Variants in EPG5 observed in about 807,000 individuals in gnomAD.
The protein encoded by EPG5 is ectopic P granules protein 5 homolog.
Under a neutral mutation model 302.7 loss-of-function variants are expected in EPG5, and 159 were observed. That is an observed-to-expected ratio of 0.53 (90% CI 0.46 to 0.60). The LOEUF is 0.60. EPG5 is among the 20% of genes least tolerant of loss of function. EPG5 has a pLI of 0.00. For synonymous variants in EPG5, 1,158 were observed against 1,136.8 expected (o/e 1.02, Z -0.37); for missense variants, 2,896 against 3,092.4 (o/e 0.94, Z 1.51).
At chr18:45,952,193 C>T (rs1285758958) in intron 3 of EPG5, among the ~76,000 whole-genome samples, 1 of 152,186 alleles carries the variant, frequency 6.6e-6, no homozygotes, top group Non-Finnish European at 1.5e-5. Context: ...CAGAGAAAGA[C>T]AGCCACGGAG....
chr18:45,884,457 G>A (rs1418118720), intron 30 of EPG5, among the ~76,000 whole-genome samples, 160 bp downstream of exon 30: 1 of 152,160 alleles, frequency 6.6e-6, no homozygotes, highest in African/African-American at 2.4e-5. Flanking sequence ...AGCAGCTGTG[G>A]GGTCAGACTG....
intron 15 of EPG5, 99 bp downstream of exon 15, chr18:45,923,169 G>C (rs940746577): frequency 7.8e-7 from 1 of 1,288,406 alleles, no homozygotes; most frequent in South Asian, 1.5e-5. Flanking sequence ...AATGTTCTTA[G>C]GATACCTAAT....
chr18:45,899,089 C>A (rs1415328901), intron 27 of EPG5, among the ~76,000 whole-genome samples: 1 of 152,144 alleles, frequency 6.6e-6, no homozygotes, highest in Non-Finnish European at 1.5e-5. Context: ...CGCGCCACTG[C>A]ACTCCAGCCT....
chr18:45,840,145 G>C, the EPG5 span: 1 of 1,579,940 alleles, frequency 6.3e-7, no homozygotes, highest in Non-Finnish European at 8.7e-7. Context: ...CATGGGTGGG[G>C]GTGGGCGCAC....
chr18:45,856,763 A>G (rs1568092902), intron 42 of EPG5, among the ~76,000 whole-genome samples: 1 of 151,968 alleles, frequency 6.6e-6, no homozygotes, highest in Non-Finnish European at 1.5e-5. Context: ...TCTTTTCAAC[A>G]CTGACAAGGG....
At chr18:45,823,907 G>A in the EPG5 span, among the ~76,000 whole-genome samples, 2 of 152,248 alleles carry the variant, frequency 1.3e-5, no homozygotes, top group African/African-American at 4.8e-5. Context: ...TAGGTGGTAA[G>A]AATCACATGG....
intron 31 of EPG5, 149 bp downstream of exon 31, chr18:45,882,125 T>C: frequency 4.2e-6 from 3 of 721,260 alleles, no homozygotes; most frequent in Non-Finnish European, 6.7e-6. Context: ...TTGGGCCTTG[T>C]TCATCAAGCC....
intron 1 of EPG5, among the ~76,000 whole-genome samples, chr18:45,957,292 T>C (rs936964643): frequency 6.6e-6 from 1 of 152,194 alleles, no homozygotes; most frequent in Non-Finnish European, 1.5e-5. Flanking sequence ...AGAAGTAATA[T>C]GACCCTCCAA....
chr18:45,890,037 A>C (rs922848860), intron 27 of EPG5, 97 bp from the exon 28 acceptor site: 2 of 1,064,050 alleles, frequency 1.9e-6, no homozygotes, highest in African/African-American at 3.2e-5. Context: ...TTATAAAAAT[A>C]CCAAAATTTG....
chr18:45,949,744 ACGAGGCCTACAAAT>A (rs2050862944), intron 4 of EPG5, among the ~76,000 whole-genome samples, 153 bp from the exon 5 acceptor site: 1 of 152,250 alleles, frequency 6.6e-6, no homozygotes, highest in African/African-American at 2.4e-5. Context: ...ATGAGTTTCT[ACGAGGCCTACAAAT>A]CTATGAGTAC....
the EPG5 span, chr18:45,825,581 C>A: frequency 9.4e-6 from 7 of 741,778 alleles, no homozygotes; most frequent in Admixed American, 2.3e-5. Flanking sequence ...CCCAGTTCCT[C>A]CGGCTCCCGC....
chr18:45,953,304 G>A, intron 2 of EPG5: 2 of 985,040 alleles, frequency 2.0e-6, no homozygotes, highest in Non-Finnish European at 1.2e-6. Context: ...AAACTTCAAG[G>A]TATCTCAAAA....
chr18:45,906,666 T>C (rs2049758836), intron 24 of EPG5, among the ~76,000 whole-genome samples: 1 of 151,796 alleles, frequency 6.6e-6, no homozygotes, highest in African/African-American at 2.4e-5. Context: ...TTTTTTTTTT[T>C]TTTTAAGACA....
rs2048434183 is a variant in EPG5, at chr18:45,852,333, C to T, written c.*134G>A. 1 of 737,424 alleles carries T rather than the reference C, an allele frequency of 1.4e-6. No homozygotes were observed. Among genetic ancestry groups the T allele is most frequent in the African/African-American group, 1.8e-5 (1 of 55,754 alleles). 45.7% of individuals were successfully genotyped at this position (737,424 alleles called of 1,614,324 possible). On this transcript the variant is annotated 3_prime_UTR_variant, in exon 44 of 44. Transcript: ENST00000282041. ...AAAATTATCTAATATCTAACGCCTC[C>T]CAACTTGCATCTCAGTCAACTACAC...
At chr18:45,864,120 T>A (rs1468181915) in intron 39 of EPG5, among the ~76,000 whole-genome samples, 1 of 152,176 alleles carries the variant, frequency 6.6e-6, no homozygotes, top group Non-Finnish European at 1.5e-5. Flanking sequence ...CTTTTTATTT[T>A]AGAGATGGGG....
the EPG5 span, chr18:45,842,088 A>G: frequency 1.9e-6 from 3 of 1,613,490 alleles, 1 homozygote; most frequent in Middle Eastern, 3.3e-4. Flanking sequence ...TGATCATTCA[A>G]CTTTCTCCTG....
intron 4 of EPG5, among the ~76,000 whole-genome samples, chr18:45,950,514 T>C (rs1434175003): frequency 2.0e-5 from 3 of 152,240 alleles, no homozygotes; most frequent in African/African-American, 7.2e-5. Flanking sequence ...CCCTCCACCA[T>C]GATTCTGAGA....
In EPG5 at chr18:45,937,227, CATAT is replaced by C. The variant is rs202087194; in HGVS notation, c.2100-2265_2100-2262del. 2.8e-3 allele frequency among the ~76,000 whole-genome samples: 272 copies of C among 98,812 alleles called. 1 individual carries two copies. Among genetic ancestry groups the C allele is most frequent in the African/African-American group, 8.0e-3 (216 of 27,006 alleles). The allele number at this position is 98,812 out of a possible 152,430, so 64.8% of individuals were successfully genotyped here. ...ATTCAGGAAGTCTGGCATATATATA[CATAT>C]ATATACACACACACACACACACACA... On this transcript the variant is annotated intron_variant, in intron 10 of 43. Transcript: ENST00000282041.
chr18:45,933,048 T>C (rs1325526654), intron 11 of EPG5, among the ~76,000 whole-genome samples: 4 of 152,144 alleles, frequency 2.6e-5, no homozygotes, highest in Non-Finnish European at 5.9e-5. Flanking sequence ...GACTCAGGTA[T>C]ACAAAGTAGT....
Sources: allele counts gnomAD v4.1 joint callset (sites outside exome capture counted in the v4.1 genomes callset), GRCh38; gene constraint gnomAD v4.1.1; transcripts MANE v1.5; gene names NCBI Gene and HGNC (gene_info 2026-07-23, HGNC 2026-07-21).